RGS6: variants seen among roughly 807,000 people sequenced by gnomAD.
RGS6 encodes the protein regulator of G protein signaling 6.
In RGS6, 30 loss-of-function variants were observed where a neutral mutation model predicts 78.5. The ratio of observed to expected loss-of-function variants is 0.38; its 90% CI spans 0.29 to 0.52. The LOEUF is 0.52. Among genes scored for constraint, RGS6 ranks in the 20% least tolerant of loss-of-function variants. RGS6 has a pLI of 0.85. For missense variants in RGS6, 495 were observed against 609.7 expected, an observed-to-expected ratio of 0.81 and a Z score of 1.98; for synonymous variants, 206 against 206.0, an observed-to-expected ratio of 1.00 and a Z score of 0.00.
chr14:72,268,179 T>C (rs546713613), intron 2 of RGS6, among the ~76,000 whole-genome samples: 1 of 152,234 alleles, frequency 6.6e-6, no homozygotes, highest in Non-Finnish European at 1.5e-5. Flanking sequence ...TCATTTGAAA[T>C]ACCCCACTGT....
chr14:72,381,516 T>C (rs2086098027), intron 3 of RGS6, among the ~76,000 whole-genome samples: 1 of 152,082 alleles, frequency 6.6e-6, no homozygotes, highest in African/African-American at 2.4e-5. Context: ...TATGTAAAAA[T>C]GGACGCTACA....
intron 2 of RGS6, among the ~76,000 whole-genome samples, chr14:72,035,875 CAT>C (rs1230668860): frequency 5.3e-5 from 8 of 152,106 alleles, no homozygotes; most frequent in African/African-American, 1.9e-4. Context: ...TTTAAATAAA[CAT>C]ATGGTAAAAT....
chr14:72,384,610 A>G (rs1301186032), intron 3 of RGS6, among the ~76,000 whole-genome samples: 1 of 152,198 alleles, frequency 6.6e-6, no homozygotes, highest in Non-Finnish European at 1.5e-5. Flanking sequence ...TGTCAAATCC[A>G]TAGGTGTACT....
In RGS6 at chr14:72,398,964, A is replaced by G. The variant is rs1040403373; in HGVS notation, c.184+46770A>G. On this transcript the variant is annotated intron_variant, in intron 3 of 17. Coordinates refer to ENST00000553525, the MANE Select transcript of RGS6 (RefSeq NM_001204424.2). ...TTTTACATTTGCTGAGGAGTGCTTT[A>G]CTTCCAACTATGTGGTCAATTTTGG... Among the ~76,000 whole-genome samples, 7 of 151,902 alleles carry G rather than the reference A, an allele frequency of 4.6e-5. No homozygotes were observed. The East Asian group carries it at 9.7e-4, about 21-fold the overall frequency.
chr14:72,137,999 C>T (rs1036288515), intron 2 of RGS6, among the ~76,000 whole-genome samples: 1 of 152,142 alleles, frequency 6.6e-6, no homozygotes, highest in South Asian at 2.1e-4. Context: ...CAGGAGCCCC[C>T]AGCCACAAGT....
intron 1 of RGS6, among the ~76,000 whole-genome samples, chr14:71,940,743 G>T (rs2090397429): frequency 6.6e-6 from 1 of 152,212 alleles, no homozygotes; most frequent in Admixed American, 6.5e-5. Context: ...GACATACAGA[G>T]AATGGCAATT....
intron 3 of RGS6, among the ~76,000 whole-genome samples, chr14:72,353,955 G>T (rs963357559): frequency 6.6e-6 from 1 of 151,170 alleles, no homozygotes; most frequent in African/African-American, 2.5e-5. Context: ...CTGCACTCCA[G>T]CCTGGGTAAC....
chr14:71,899,666 T>C, the RGS6 span, among the ~76,000 whole-genome samples: 1 of 152,244 alleles, frequency 6.6e-6, no homozygotes, highest in African/African-American at 2.4e-5. Context: ...TCTAATCAGC[T>C]GGTAACTTGA....
chr14:72,508,983 G>A lies in RGS6; in HGVS notation c.966-1171G>A, dbSNP rs145107184. Among the ~76,000 whole-genome samples the A allele has an allele frequency of 3.7e-3, 560 of 152,226 alleles. 5 individuals carry two copies. The highest frequency in any genetic ancestry group is 0.013 in the African/African-American group (529 of 41,532). On this transcript the variant is annotated intron_variant, in intron 13 of 17. Transcript: ENST00000553525. ...AGAAGCTGAAGGAAATACTCTTATC[G>A]CCCAACACCAGAAGAATTAGACCAA...
intron 2 of RGS6, among the ~76,000 whole-genome samples, chr14:72,016,159 C>T (rs760854099): frequency 7.2e-5 from 11 of 152,112 alleles, no homozygotes; most frequent in Non-Finnish European, 1.6e-4. Context: ...ATTTCCTATA[C>T]ATTCTTTTAA....
chr14:72,509,984 C>T (rs1027621498), intron 13 of RGS6, among the ~76,000 whole-genome samples, 170 bp from the exon 14 acceptor site: 2 of 152,194 alleles, frequency 1.3e-5, no homozygotes, highest in African/African-American at 2.4e-5. Flanking sequence ...TGTTGGTGTA[C>T]CAAAGTCTGC....
chr14:72,366,168 A>T (rs2082411629), intron 3 of RGS6, among the ~76,000 whole-genome samples: 1 of 152,180 alleles, frequency 6.6e-6, no homozygotes, highest in South Asian at 2.1e-4. Context: ...TTGAGTTTGA[A>T]ATTTTCCCAC....
chr14:72,465,615 T>C (rs1476419681), intron 6 of RGS6, 143 bp from the exon 7 acceptor site: 2 of 603,924 alleles, frequency 3.3e-6, no homozygotes, highest in Non-Finnish European at 6.0e-6. Context: ...GGTGGATGGG[T>C]GGATGGGTGG....
At chr14:72,418,208 C>T (rs1043979815) in intron 3 of RGS6, among the ~76,000 whole-genome samples, 2 of 151,888 alleles carry the variant, frequency 1.3e-5, no homozygotes, top group Non-Finnish European at 2.9e-5. Flanking sequence ...ACTCTGTTGC[C>T]CAGGTTGGAG....
chr14:72,138,352 G>A (rs1355490942), intron 2 of RGS6, among the ~76,000 whole-genome samples: 1 of 151,906 alleles, frequency 6.6e-6, no homozygotes, highest in Admixed American at 6.6e-5. Flanking sequence ...CGCATTGAGG[G>A]GGAGGGTTAA....
intron 3 of RGS6, among the ~76,000 whole-genome samples, chr14:72,414,952 G>T (rs1240757119): frequency 1.3e-5 from 2 of 152,212 alleles, no homozygotes; most frequent in African/African-American, 2.4e-5. Flanking sequence ...TGAGGTGTCA[G>T]TCTGCCCCTA....
At position 72,536,740 on chromosome 14, in the gene RGS6, T is replaced by G. The variant is rs1255990047; in HGVS notation, c.1368+465T>G. Among the ~76,000 whole-genome samples the G allele has an allele frequency of 1.3e-4, 20 of 152,096 alleles. 1 individual carries two copies. On this transcript the variant is annotated intron_variant, in intron 16 of 17. Coordinates refer to ENST00000553525, the MANE Select transcript of RGS6 (RefSeq NM_001204424.2). The stretch of plus-strand genomic sequence containing the variant: ...CAGCTCTCTCACTGGTCAGAAAGCC[T>G]TGTCAGTTTCAAGAGCACAATCAGG...
chr14:72,201,143 A>T (rs2041481395), intron 2 of RGS6, among the ~76,000 whole-genome samples: 1 of 152,172 alleles, frequency 6.6e-6, no homozygotes, highest in Admixed American at 6.5e-5. Context: ...GCAATAGCAG[A>T]TGGCTGCCGT....
intron 2 of RGS6, among the ~76,000 whole-genome samples, chr14:72,341,789 C>T (rs1442992729): frequency 1.3e-5 from 2 of 152,174 alleles, no homozygotes; most frequent in African/African-American, 4.8e-5. Flanking sequence ...CTCAGATTCA[C>T]TCCAGTTGCT....
Sources: allele counts gnomAD v4.1 joint callset (sites outside exome capture counted in the v4.1 genomes callset), GRCh38; gene constraint gnomAD v4.1.1; transcripts MANE v1.5; gene names NCBI Gene and HGNC (gene_info 2026-07-23, HGNC 2026-07-21).